Variants in MAGI2 observed in about 807,000 individuals in gnomAD.
MAGI2 encodes membrane associated guanylate kinase, WW and PDZ domain containing 2.
In MAGI2, 35 loss-of-function variants were observed where a neutral mutation model predicts 133.3. That is an observed-to-expected ratio of 0.26 (90% CI 0.20 to 0.35). The LOEUF (loss-of-function observed/expected upper bound fraction) is 0.35. Ranked by LOEUF, MAGI2 falls within the 10% of genes least tolerant of loss-of-function variation. MAGI2 has a pLI of 1.00. For synonymous variants in MAGI2, 729 were observed against 710.6 expected (o/e 1.03, Z -0.41); for missense variants, 1,636 against 1,863.4 (o/e 0.88, Z 2.25).
At chr7:79,159,938 C>A (rs1824196222) in intron 1 of MAGI2, among the ~76,000 whole-genome samples, 1 of 151,984 alleles carries the variant, frequency 6.6e-6, no homozygotes, top group Non-Finnish European at 1.5e-5. Context: ...TATTTCACTA[C>A]CAAACTAAAT....
At chr7:78,752,573 A>G (rs1214693830) in intron 2 of MAGI2, among the ~76,000 whole-genome samples, 8 of 152,250 alleles carry the variant, frequency 5.3e-5, no homozygotes. Context: ...GCTGCACTCC[A>G]GCCTGGGCAA....
intron 2 of MAGI2, among the ~76,000 whole-genome samples, chr7:78,772,781 A>T (rs1585369117): frequency 6.6e-6 from 1 of 152,244 alleles, no homozygotes; most frequent in African/African-American, 2.4e-5. Flanking sequence ...AATTGGCACC[A>T]AAACATTGGA....
chr7:79,140,776 T>A (rs1295377235), intron 1 of MAGI2, among the ~76,000 whole-genome samples: 1 of 152,216 alleles, frequency 6.6e-6, no homozygotes, highest in Non-Finnish European at 1.5e-5. Flanking sequence ...GTTCTCCCAC[T>A]ATCCTAGTGC....
At chr7:78,293,931 G>C (rs1488808384) in intron 9 of MAGI2, among the ~76,000 whole-genome samples, 1 of 152,142 alleles carries the variant, frequency 6.6e-6, no homozygotes, top group African/African-American at 2.4e-5. Flanking sequence ...ACCAGGGCCT[G>C]TCATGGTGTT....
At chr7:78,565,081 C>A (rs192917560) in intron 3 of MAGI2, among the ~76,000 whole-genome samples, 2 of 151,736 alleles carry the variant, frequency 1.3e-5, no homozygotes, top group South Asian at 2.1e-4. Context: ...GTGTGAGCAC[C>A]GCGCCCGGCC....
intron 20 of MAGI2, among the ~76,000 whole-genome samples, chr7:78,117,858 C>T (rs1563143096): frequency 1.3e-5 from 2 of 152,168 alleles, no homozygotes; most frequent in African/African-American, 2.4e-5. Flanking sequence ...TTGCCTTTCT[C>T]TTCACTGGTT....
chr7:78,141,563 A>C (rs1380427095), intron 16 of MAGI2, among the ~76,000 whole-genome samples: 2 of 152,162 alleles, frequency 1.3e-5, no homozygotes, highest in Non-Finnish European at 2.9e-5. Context: ...AGACGGCATG[A>C]CTTGTTTTCC....
At chr7:79,311,300 C>T (rs1217841813) in intron 1 of MAGI2, among the ~76,000 whole-genome samples, 1 of 152,094 alleles carries the variant, frequency 6.6e-6, no homozygotes, top group Non-Finnish European at 1.5e-5. Flanking sequence ...TGTCTTGGGT[C>T]ACACATAAAA....
intron 2 of MAGI2, among the ~76,000 whole-genome samples, chr7:78,673,696 C>T (rs539669349): frequency 6.8e-5 from 10 of 146,788 alleles, no homozygotes; most frequent in African/African-American, 1.5e-4. Context: ...AGCCTGGGGG[C>T]GGCGGGGAGG....
At chr7:78,486,551 C>T (rs549693712) in intron 6 of MAGI2, 18 of 239,384 alleles carry the variant, frequency 7.5e-5, no homozygotes, top group Non-Finnish European at 1.4e-4. Flanking sequence ...GGCCACCTGA[C>T]ATGTTGTGTC....
intron 9 of MAGI2, among the ~76,000 whole-genome samples, chr7:78,320,988 C>T (rs959853348): frequency 2.0e-5 from 3 of 152,018 alleles, no homozygotes; most frequent in African/African-American, 7.2e-5. Context: ...AACAAACAGA[C>T]AGCCAAATCA....
intron 6 of MAGI2, among the ~76,000 whole-genome samples, chr7:78,467,839 T>A (rs945640695): frequency 6.6e-6 from 1 of 152,112 alleles, no homozygotes; most frequent in Admixed American, 6.6e-5. Context: ...GAAAACTGCA[T>A]AGCTATTTAA....
chr7:78,650,273 C>A (rs771753303), intron 2 of MAGI2, among the ~76,000 whole-genome samples: 3 of 152,172 alleles, frequency 2.0e-5, no homozygotes, highest in Non-Finnish European at 4.4e-5. Context: ...TGTTTATGAA[C>A]TTCATGTTTT....
At chr7:79,399,079 CT>C (rs1197197628) in intron 1 of MAGI2, among the ~76,000 whole-genome samples, 36 of 114,648 alleles carry the variant, frequency 3.1e-4, no homozygotes, top group South Asian at 9.8e-4. Flanking sequence ...AGTATTATTT[CT>C]TTTTTTTTTC....
At chr7:79,287,629 A>T (rs2129558478) in intron 1 of MAGI2, among the ~76,000 whole-genome samples, 1 of 152,272 alleles carries the variant, frequency 6.6e-6, no homozygotes, top group East Asian at 1.9e-4. Context: ...TCAAGCACTC[A>T]GTAGTAAATT....
chr7:78,383,810 T>C (rs1795138520), intron 6 of MAGI2, among the ~76,000 whole-genome samples: 1 of 152,106 alleles, frequency 6.6e-6, no homozygotes, highest in African/African-American at 2.4e-5. Flanking sequence ...TTCATTCTTC[T>C]GCACACGACA....
At chr7:78,719,671 A>T (rs1460985907) in intron 2 of MAGI2, among the ~76,000 whole-genome samples, 1 of 152,206 alleles carries the variant, frequency 6.6e-6, no homozygotes, top group Non-Finnish European at 1.5e-5. Flanking sequence ...GCTGCTATTA[A>T]GAGCTCTTTC....
chr7:78,038,035 C>A (rs1810415281), intron 21 of MAGI2, among the ~76,000 whole-genome samples: 1 of 152,182 alleles, frequency 6.6e-6, no homozygotes, highest in Non-Finnish European at 1.5e-5. Context: ...CCCACCTTGT[C>A]CCAAGTGGTT....
At chr7:78,468,304 C>G (rs1332491359) in intron 6 of MAGI2, among the ~76,000 whole-genome samples, 2 of 152,038 alleles carry the variant, frequency 1.3e-5, no homozygotes, top group Non-Finnish European at 2.9e-5. Context: ...TCAGGGGATG[C>G]AAACTCCAGT....
Sources: gnomAD v4.1 joint callset for allele counts (sites outside exome capture counted in the v4.1 genomes callset) on GRCh38, gnomAD v4.1.1 for gene constraint, MANE v1.5 for transcripts, NCBI Gene and HGNC (gene_info 2026-07-23, HGNC 2026-07-21) for gene names.